Variants in PARP15 observed in about 807,000 individuals in gnomAD.
The protein encoded by PARP15 is poly(ADP-ribose) polymerase family member 15, also known as protein mono-ADP-ribosyltransferase PARP15.
PARP15 carries 50 observed loss-of-function variants against 62.1 expected under a neutral mutation model. The ratio of observed to expected loss-of-function variants is 0.81; its 90% confidence interval spans 0.64 to 1.02. PARP15 has a LOEUF of 1.02. Ranked by LOEUF, PARP15 falls within the 50% of genes least tolerant of loss-of-function variation. The pLI, the probability that PARP15 is intolerant of heterozygous loss-of-function variation, is 0.00. For synonymous variants in PARP15, 309 were observed against 293.1 expected (o/e 1.05, Z -0.55); for missense variants, 820 against 826.5 (o/e 0.99, Z 0.10).
chr3:122,620,631 T>G (rs6808944), intron 7 of PARP15, among the ~76,000 whole-genome samples: 10,956 of 151,612 alleles, frequency 0.072, 1,181 homozygotes, highest in African/African-American at 0.24. Flanking sequence ...CGTTAGCAGG[T>G]GTTTGAGTAC....
chr3:122,594,476 G>A, intron 1 of PARP15: 6 of 857,084 alleles, frequency 7.0e-6, no homozygotes, highest in Non-Finnish European at 7.0e-6. Flanking sequence ...CACTTGGAGA[G>A]GTAACTGTTG....
rs1312953205 is a variant in PARP15, at chr3:122,637,542, T to A, written c.*1442T>A. The stretch of plus-strand genomic sequence containing the variant: ...TTAGCAGCTCATTTATCCTGAAGCA[T>A]CACTTTTGAAGAGTTACAGACATTT... On this transcript the variant is annotated 3_prime_UTR_variant, in exon 12 of 12. Transcript: ENST00000464300. The A allele has an allele frequency of 6.6e-6, 1 of 152,194 alleles. No individual in the cohort carries two copies. The highest frequency in any genetic ancestry group is 1.5e-5 in the Non-Finnish European group (1 of 68,040). The allele number at this position is 152,194 out of a possible 1,614,324, so 9.4% of individuals were successfully genotyped here. A position where few individuals can be genotyped will look rare whatever the true frequency, so the allele number is the denominator to read the frequency against.
At chr3:122,604,005 G>A (rs1471456627) in intron 1 of PARP15, among the ~76,000 whole-genome samples, 1 of 152,168 alleles carries the variant, frequency 6.6e-6, no homozygotes, top group Non-Finnish European at 1.5e-5. Flanking sequence ...TGGGTTGATT[G>A]AAAAAGAATG....
At chr3:122,582,830 G>T (rs1933068802) in intron 1 of PARP15, among the ~76,000 whole-genome samples, 1 of 151,632 alleles carries the variant, frequency 6.6e-6, no homozygotes, top group Non-Finnish European at 1.5e-5. Context: ...TCATTATTTT[G>T]TGTCTTTCAT....
intron 7 of PARP15, 95 bp downstream of exon 7, chr3:122,619,938 T>C: frequency 1.7e-6 from 2 of 1,199,454 alleles, no homozygotes; most frequent in East Asian, 2.3e-5. Flanking sequence ...GTGGAGTAAG[T>C]AGCGAGCAAA....
At chr3:122,620,791 G>T (rs1272332472) in intron 7 of PARP15, among the ~76,000 whole-genome samples, 2 of 151,008 alleles carry the variant, frequency 1.3e-5, no homozygotes, top group African/African-American at 4.9e-5. Context: ...TGCTCCTCAG[G>T]AGGGCAGGAT....
intron 7 of PARP15, 97 bp from the exon 8 acceptor site, chr3:122,621,347 C>G: frequency 7.6e-7 from 1 of 1,319,200 alleles, no homozygotes. Flanking sequence ...GGCTTCACAG[C>G]CTTCACGGAT....
At chr3:122,618,482 T>C (rs1559974857) in intron 6 of PARP15, among the ~76,000 whole-genome samples, 1 of 151,692 alleles carries the variant, frequency 6.6e-6, no homozygotes, top group African/African-American at 2.4e-5. Flanking sequence ...GCGAGAAGAG[T>C]AGCCCCAGAG....
chr3:122,626,808 C>A lies in PARP15; in HGVS notation c.1232-19C>A. ...GCAACATCGGGGGAAACTTCTTTGT[C>A]ATTAAATTTTTTTTTCAGGAAATGC... is the stretch of plus-strand genomic sequence containing the variant. On this transcript the variant is annotated intron_variant, in intron 8 of 11. Transcript: ENST00000464300. 1 of 1,602,996 alleles carries A rather than the reference C, an allele frequency of 6.2e-7. No individual in the cohort carries two copies.
intron 2 of PARP15, among the ~76,000 whole-genome samples, chr3:122,607,970 C>T (rs966063817): frequency 5.3e-5 from 8 of 152,188 alleles, no homozygotes; most frequent in African/African-American, 1.9e-4. Flanking sequence ...TCCTCTACAT[C>T]ACTGTTTGAT....
At chr3:122,619,321 A>C (rs867818187) in intron 6 of PARP15, among the ~76,000 whole-genome samples, 3 of 152,256 alleles carry the variant, frequency 2.0e-5, no homozygotes, top group African/African-American at 2.4e-5. Flanking sequence ...TGGTGAAGCT[A>C]CGACTTTGAC....
At chr3:122,593,229 C>G (rs985111676) in intron 1 of PARP15, among the ~76,000 whole-genome samples, 9 of 152,202 alleles carry the variant, frequency 5.9e-5, no homozygotes, top group East Asian at 3.9e-4. Flanking sequence ...ACCTTCACCC[C>G]CCGGGTTCAA....
At chr3:122,605,763 G>T (rs7610705) in intron 1 of PARP15, among the ~76,000 whole-genome samples, 173 bp from the exon 2 acceptor site, 1 of 151,628 alleles carries the variant, frequency 6.6e-6, no homozygotes, top group African/African-American at 2.4e-5. Flanking sequence ...TTATTTTTTC[G>T]TAGAGACAGG....
intron 10 of PARP15, among the ~76,000 whole-genome samples, chr3:122,634,190 C>G (rs1937221044): frequency 2.0e-5 from 3 of 152,182 alleles, no homozygotes; most frequent in East Asian, 3.8e-4. Context: ...ATTTCCTCCT[C>G]CTTCCCCAGA....
intron 1 of PARP15, chr3:122,594,467 A>C: frequency 2.5e-6 from 2 of 794,790 alleles, no homozygotes; most frequent in South Asian, 1.1e-4. Flanking sequence ...CCTTGATTAC[A>C]CTTGGAGAGG....
chr3:122,579,993 C>CTA (rs58969507), intron 1 of PARP15, among the ~76,000 whole-genome samples: 3,358 of 70,770 alleles, frequency 0.047, 197 homozygotes, highest in African/African-American at 0.14. Flanking sequence ...ACAACAGCAA[C>CTA]TATATGTATA....
chr3:122,626,294 G>T (rs1028349751), intron 8 of PARP15, among the ~76,000 whole-genome samples: 3 of 150,678 alleles, frequency 2.0e-5, no homozygotes, highest in African/African-American at 7.3e-5. Context: ...CGCCTCCCAG[G>T]TTCACGCCAT....
chr3:122,607,943 T>G (rs1339598804), intron 2 of PARP15, among the ~76,000 whole-genome samples: 1 of 152,192 alleles, frequency 6.6e-6, no homozygotes, highest in African/African-American at 2.4e-5. Flanking sequence ...CTTACCTCCT[T>G]GTCACTCTTT....
At chr3:122,590,940 G>A (rs1933862103) in intron 1 of PARP15, among the ~76,000 whole-genome samples, 1 of 152,086 alleles carries the variant, frequency 6.6e-6, no homozygotes, top group African/African-American at 2.4e-5. Flanking sequence ...TTAAATCAGT[G>A]GATGATCGCC....
Sources: allele counts gnomAD v4.1 joint callset (sites outside exome capture counted in the v4.1 genomes callset), GRCh38; gene constraint gnomAD v4.1.1; transcripts MANE v1.5; gene names NCBI Gene and HGNC (gene_info 2026-07-23, HGNC 2026-07-21).